Variants in STK32A observed in about 807,000 individuals in gnomAD.
STK32A encodes serine/threonine kinase 32A, also known as serine/threonine-protein kinase 32A.
STK32A carries 41 observed loss-of-function variants against 53.2 expected under a neutral mutation model. That is an observed-to-expected ratio of 0.77 (90% CI 0.60 to 1.00). The LOEUF is 1.00. Among genes scored for constraint, STK32A ranks in the 50% least tolerant of loss-of-function variants. STK32A has a pLI of 0.00. For synonymous variants in STK32A, 166 were observed against 162.8 expected (o/e 1.02, Z -0.15); for missense variants, 458 against 485.8 (o/e 0.94, Z 0.54).
intron 4 of STK32A, among the ~76,000 whole-genome samples, chr5:147,288,283 A>G (rs1752438080): frequency 6.6e-6 from 1 of 152,204 alleles, no homozygotes; most frequent in African/African-American, 2.4e-5. Flanking sequence ...CTTCCAAACC[A>G]TGAGAAAAAT....
chr5:147,360,941 C>G (rs1296188344), intron 7 of STK32A, among the ~76,000 whole-genome samples: 1 of 152,146 alleles, frequency 6.6e-6, no homozygotes, highest in Non-Finnish European at 1.5e-5. Context: ...GAAAGAACTA[C>G]AGTTACAAAG....
intron 4 of STK32A, among the ~76,000 whole-genome samples, chr5:147,279,972 C>T (rs533188703): frequency 6.6e-6 from 1 of 152,252 alleles, no homozygotes; most frequent in South Asian, 2.1e-4. Flanking sequence ...GAGAGACCCT[C>T]CTCTCCCAAA....
At chr5:147,363,282 G>A (rs141661886) in intron 8 of STK32A, among the ~76,000 whole-genome samples, 9 of 152,112 alleles carry the variant, frequency 5.9e-5, no homozygotes, top group African/African-American at 2.2e-4. Context: ...CTTAAAACTC[G>A]AGAATAATCT....
At position 147,260,264 on chromosome 5, in the gene STK32A, C is replaced by CT. The variant is rs1561675441; in HGVS notation, c.53-17860_53-17859insT. Among the ~76,000 whole-genome samples the CT allele has an allele frequency of 8.9e-3, 985 of 110,730 alleles. 36 individuals carry two copies. The highest frequency in any genetic ancestry group is 0.033 in the African/African-American group (916 of 28,004). The allele number at this position is 110,730 out of a possible 152,430, so 72.6% of individuals were successfully genotyped here. ...TGTCTCTCTCTCTCTCCTCTCTCTC[C>CT]CTCTCCCCTCTCTGTCTCTCTCTCT... is the stretch of plus-strand genomic sequence containing the variant. On this transcript the variant is annotated intron_variant, in intron 2 of 12. Coordinates refer to ENST00000397936, the MANE Select transcript of STK32A (RefSeq NM_001112724.2).
At chr5:147,356,805 GA>G (rs540186453) in intron 7 of STK32A, among the ~76,000 whole-genome samples, 20 of 148,430 alleles carry the variant, frequency 1.3e-4, no homozygotes, top group African/African-American at 2.2e-4. Flanking sequence ...TTCAAAATCT[GA>G]AAAAAAAAAT....
chr5:147,392,367 T>C (rs537653143), downstream of STK32A: 15 of 152,332 alleles, frequency 9.8e-5, no homozygotes, highest in African/African-American at 3.6e-4. Flanking sequence ...TGTAGCCCAG[T>C]GTGTACTTTT....
rs758734263 is a variant in STK32A, at chr5:147,323,917, G to A, written c.280G>A (p.Glu94Lys). 3 of 1,613,332 alleles carry A rather than the reference G, an allele frequency of 1.9e-6. No individual in the cohort carries two copies. In the Admixed American group the frequency reaches 5.0e-5, roughly 27 times the overall value. The change falls in exon 5 of 13, where the codon GAA (glutamate) becomes AAA (lysine). Residue 94 changes from glutamate (E) to lysine (K), a missense_variant. By Grantham distance (56) the Glu-to-Lys change is moderately conservative. Transcript: ENST00000397936. ...VNLWYSFQDE[E>K]DMFMVVDLLL... ...TTCCAGGTATTCCTTCCAAGATGAGGAAGACATGTTCATGGTGGTGGACCT... is the reference window on the plus strand; with the variant it reads ...TTCCAGGTATTCCTTCCAAGATGAGAAAGACATGTTCATGGTGGTGGACCT...
intron 2 of STK32A, among the ~76,000 whole-genome samples, chr5:147,274,994 T>A (rs1755191380): frequency 6.6e-6 from 1 of 152,166 alleles, no homozygotes; most frequent in Admixed American, 6.5e-5. Context: ...CTATACAAAT[T>A]CAAAAACCAT....
intron 1 of STK32A, among the ~76,000 whole-genome samples, chr5:147,236,486 T>C (rs1334327420): frequency 6.6e-6 from 1 of 152,064 alleles, no homozygotes; most frequent in African/African-American, 2.4e-5. Context: ...GGAAAGGACA[T>C]GTCTCCATTT....
At chr5:147,288,021 T>G (rs2151959423) in intron 4 of STK32A, among the ~76,000 whole-genome samples, 1 of 152,274 alleles carries the variant, frequency 6.6e-6, no homozygotes, top group African/African-American at 2.4e-5. Context: ...GATTTTGCTG[T>G]TTGCTAATTT....
At chr5:147,259,460 TACA>T (rs1410725934) in intron 2 of STK32A, among the ~76,000 whole-genome samples, 1 of 152,126 alleles carries the variant, frequency 6.6e-6, no homozygotes, top group East Asian at 1.9e-4. Flanking sequence ...TGTTTATACT[TACA>T]ACAAGGTGGT....
intron 8 of STK32A, among the ~76,000 whole-genome samples, chr5:147,364,232 A>G (rs796638148): frequency 2.4e-4 from 36 of 151,876 alleles, no homozygotes; most frequent in East Asian, 1.2e-3. Flanking sequence ...AAAAAAAAAA[A>G]AAAGAAATCT....
At chr5:147,338,118 C>G (rs1361421771) in intron 5 of STK32A, among the ~76,000 whole-genome samples, 1 of 151,902 alleles carries the variant, frequency 6.6e-6, no homozygotes, top group African/African-American at 2.4e-5. Context: ...TTGCTGTGTC[C>G]CCATCCAAAT....
the STK32A span, among the ~76,000 whole-genome samples, chr5:147,396,149 C>T: frequency 3.3e-5 from 5 of 152,162 alleles, no homozygotes; most frequent in South Asian, 2.1e-4. Context: ...GGTCATGACA[C>T]GAGGTCGCAG....
chr5:147,379,656 A>G (rs931996211), intron 11 of STK32A, among the ~76,000 whole-genome samples: 1 of 152,120 alleles, frequency 6.6e-6, no homozygotes, highest in African/African-American at 2.4e-5. Context: ...ACATCTTTAA[A>G]GTATAGAATC....
At chr5:147,312,358 C>T (rs1465418348) in intron 4 of STK32A, among the ~76,000 whole-genome samples, 3 of 152,178 alleles carry the variant, frequency 2.0e-5, no homozygotes, top group African/African-American at 7.2e-5. Context: ...CCCACCTCGG[C>T]CTTCCAAAGT....
intron 7 of STK32A, among the ~76,000 whole-genome samples, chr5:147,355,481 G>A (rs1305248834): frequency 2.0e-5 from 3 of 150,726 alleles, no homozygotes; most frequent in Admixed American, 6.7e-5. Context: ...AGATCATCCT[G>A]GCTAACACGG....
At chr5:147,263,790 C>A (rs1187606509) in intron 2 of STK32A, among the ~76,000 whole-genome samples, 1 of 150,880 alleles carries the variant, frequency 6.6e-6, no homozygotes, top group East Asian at 1.9e-4. Flanking sequence ...TGGAAGGGGG[C>A]AATAATTATT....
At chr5:147,261,722 G>A (rs1432138946) in intron 2 of STK32A, among the ~76,000 whole-genome samples, 1 of 152,136 alleles carries the variant, frequency 6.6e-6, no homozygotes, top group Non-Finnish European at 1.5e-5. Context: ...TTGGTTTAGA[G>A]CATAGCATCT....
Sources: gnomAD v4.1 joint callset for allele counts (sites outside exome capture counted in the v4.1 genomes callset) on GRCh38, gnomAD v4.1.1 for gene constraint, MANE v1.5 for transcripts, NCBI Gene and HGNC (gene_info 2026-07-23, HGNC 2026-07-21) for gene names.